TENM4: variants seen among roughly 807,000 people sequenced by gnomAD.
TENM4 encodes teneurin-4.
Under a neutral mutation model 243.3 loss-of-function variants are expected in TENM4, and 82 were observed. The ratio of observed to expected loss-of-function variants is 0.34; its 90% confidence interval spans 0.28 to 0.40. The LOEUF is 0.40. Ranked by LOEUF, TENM4 falls within the 10% of genes least tolerant of loss-of-function variation. The pLI, the probability that TENM4 is intolerant of heterozygous loss-of-function variation, is 1.00. For synonymous variants in TENM4, 1,412 were observed against 1,456.3 expected, an observed-to-expected ratio of 0.97 and a Z score of 0.69; for missense variants, 3,138 against 3,673.3, an observed-to-expected ratio of 0.85 and a Z score of 3.77.
intron 19 of TENM4, chr11:78,749,274 T>C (rs1173385850): frequency 6.6e-6 from 1 of 152,058 alleles, no homozygotes; most frequent in Non-Finnish European, 1.5e-5. Flanking sequence ...ACATGAATAA[T>C]ATATAATGGC....
At chr11:79,224,917 C>A (rs1864233505) in intron 2 of TENM4, among the ~76,000 whole-genome samples, 1 of 151,816 alleles carries the variant, frequency 6.6e-6, no homozygotes, top group South Asian at 2.1e-4. Context: ...TGCCATTGCA[C>A]TCCAGCCTGG....
At chr11:79,032,603 T>C (rs1418649755) in intron 6 of TENM4, among the ~76,000 whole-genome samples, 2 of 152,156 alleles carry the variant, frequency 1.3e-5, no homozygotes, top group Non-Finnish European at 2.9e-5. Flanking sequence ...CCGTTCCCCT[T>C]AGACTGACCA....
At chr11:79,349,029 G>GGA (rs1857373622) in intron 1 of TENM4, among the ~76,000 whole-genome samples, 1 of 152,012 alleles carries the variant, frequency 6.6e-6, no homozygotes, top group Non-Finnish European at 1.5e-5. Context: ...ACTGTATGGA[G>GGA]GAAAGGAGGC....
chr11:79,247,000 A>ACCC (rs35317961), intron 2 of TENM4, among the ~76,000 whole-genome samples: 8 of 141,476 alleles, frequency 5.7e-5, no homozygotes, highest in African/African-American at 1.6e-4. Flanking sequence ...AAAAAAAAAC[A>ACCC]CCCCCCCACC....
intron 1 of TENM4, among the ~76,000 whole-genome samples, chr11:79,403,142 G>A (rs1484053258): frequency 6.6e-6 from 1 of 152,144 alleles, no homozygotes; most frequent in African/African-American, 2.4e-5. Context: ...CAAAAGATAT[G>A]GCCCTTTAGT....
At chr11:79,210,620 A>G (rs1251933727) in intron 3 of TENM4, among the ~76,000 whole-genome samples, 2 of 152,202 alleles carry the variant, frequency 1.3e-5, no homozygotes, top group African/African-American at 4.8e-5. Flanking sequence ...TCTGGCTTTT[A>G]CTAGCAAGGT....
chr11:79,169,678 A>C (rs1026713239), intron 3 of TENM4, among the ~76,000 whole-genome samples: 1 of 152,182 alleles, frequency 6.6e-6, no homozygotes, highest in African/African-American at 2.4e-5. Context: ...ACCACAAGCC[A>C]CCACCAATTC....
At chr11:78,982,403 G>A (rs1857819221) in intron 6 of TENM4, among the ~76,000 whole-genome samples, 2 of 152,082 alleles carry the variant, frequency 1.3e-5, no homozygotes, top group Admixed American at 6.6e-5. Context: ...CAGGGATGAG[G>A]CCAGAGTCCA....
intron 2 of TENM4, among the ~76,000 whole-genome samples, chr11:79,243,578 G>A (rs1855461933): frequency 6.6e-6 from 1 of 152,306 alleles, no homozygotes; most frequent in East Asian, 1.9e-4. Flanking sequence ...AAACACAAGA[G>A]GAGGGAGGGC....
chr11:79,148,029 TC>T lies in TENM4; in HGVS notation c.-66+680del, dbSNP rs144152435. On this transcript the variant is annotated intron_variant, in intron 4 of 33. Coordinates refer to ENST00000278550, the MANE Select transcript of TENM4 (RefSeq NM_001098816.3). ...CAAGCTCAGAATGATGAAGTGACTT[TC>T]CTGAAAACACAACAAGAGTAGAACT... 5.4e-3 allele frequency among the ~76,000 whole-genome samples: 824 copies of T among 152,192 alleles called. 12 individuals are homozygous for T. Among genetic ancestry groups the T allele is most frequent in the African/African-American group, 0.019 (776 of 41,534 alleles).
intron 6 of TENM4, among the ~76,000 whole-genome samples, chr11:79,050,535 T>G (rs181667259): frequency 1.2e-3 from 189 of 152,358 alleles, no homozygotes; most frequent in Admixed American, 2.3e-3. Context: ...TTCACACCCA[T>G]GAGGGCTCTT....
intron 2 of TENM4, among the ~76,000 whole-genome samples, chr11:79,282,594 C>T (rs949739134): frequency 4.6e-5 from 7 of 152,074 alleles, no homozygotes; most frequent in African/African-American, 1.7e-4. Context: ...ACAACAAAAA[C>T]AAACACTTGA....
chr11:78,989,663 A>G (rs1284407191), intron 6 of TENM4, among the ~76,000 whole-genome samples: 1 of 152,184 alleles, frequency 6.6e-6, no homozygotes, highest in Non-Finnish European at 1.5e-5. Flanking sequence ...GGGTTTTTCC[A>G]TTCCTTTCGT....
chr11:79,033,136 A>G (rs1859288501), intron 6 of TENM4, among the ~76,000 whole-genome samples: 1 of 152,032 alleles, frequency 6.6e-6, no homozygotes, highest in South Asian at 2.1e-4. Flanking sequence ...GACCTACTAG[A>G]TATCTATGCA....
intron 6 of TENM4, among the ~76,000 whole-genome samples, chr11:78,918,247 C>T (rs551024127): frequency 6.6e-6 from 1 of 152,282 alleles, no homozygotes; most frequent in South Asian, 2.1e-4. Flanking sequence ...TGCCCTCCTA[C>T]TCCTTCTCTT....
intron 6 of TENM4, chr11:78,903,813 A>G: frequency 1.5e-6 from 1 of 674,360 alleles, no homozygotes; most frequent in Non-Finnish European, 2.7e-6. Context: ...TACCCATCTC[A>G]GCAACTTCAC....
chr11:79,413,311 T>A (rs1858741340), intron 1 of TENM4, among the ~76,000 whole-genome samples: 1 of 152,218 alleles, frequency 6.6e-6, no homozygotes, highest in Admixed American at 6.5e-5. Flanking sequence ...CACCACTCCT[T>A]TGGGAAAACT....
At chr11:79,007,923 T>C (rs895157112) in intron 6 of TENM4, among the ~76,000 whole-genome samples, 1 of 152,176 alleles carries the variant, frequency 6.6e-6, no homozygotes, top group Admixed American at 6.5e-5. Context: ...TGCCTGGAGT[T>C]CTACCAGGCA....
chr11:79,273,608 G>T (rs533401227), intron 2 of TENM4, among the ~76,000 whole-genome samples: 41 of 152,290 alleles, frequency 2.7e-4, no homozygotes, highest in African/African-American at 8.2e-4. Flanking sequence ...GTTCAAAGAG[G>T]TTAAGTTGTG....
Sources: allele counts gnomAD v4.1 joint callset (sites outside exome capture counted in the v4.1 genomes callset), GRCh38; gene constraint gnomAD v4.1.1; transcripts MANE v1.5; gene names NCBI Gene and HGNC (gene_info 2026-07-23, HGNC 2026-07-21).